Variants in MAPK9 observed in about 807,000 individuals in gnomAD.
The protein encoded by MAPK9 is Jun kinase.
In MAPK9, 30 loss-of-function variants were observed where a neutral mutation model predicts 57.1. The observed-to-expected ratio is 0.53, with a 90% CI of 0.39 to 0.71. The LOEUF is 0.71. Among genes scored for constraint, MAPK9 ranks in the 30% least tolerant of loss-of-function variants. The probability of loss-of-function intolerance (pLI) is 0.00; values close to 1 mark genes in which losing one functional copy is unlikely to be tolerated. For missense variants in MAPK9, 362 were observed against 521.0 expected (o/e 0.69, Z 2.97); for synonymous variants, 155 against 177.0 (o/e 0.88, Z 0.99).
chr5:180,260,187 A>G lies in MAPK9; in HGVS notation c.450+1497T>C, dbSNP rs34297235. Among the ~76,000 whole-genome samples the G allele has an allele frequency of 4.5e-3, 688 of 152,340 alleles. 8 individuals carry two copies. The highest frequency in any genetic ancestry group is 0.016 in the African/African-American group (654 of 41,586). On this transcript the variant is annotated intron_variant, in intron 5 of 11. Transcript: ENST00000452135. ...CCAGTTCTACTTGAAGACATAAAAG[A>G]ACTCATTTCTAAAAAACCCTATAAA...
chr5:180,271,463 C>T (rs796791375), intron 2 of MAPK9, among the ~76,000 whole-genome samples: 11 of 152,330 alleles, frequency 7.2e-5, no homozygotes, highest in African/African-American at 2.6e-4. Flanking sequence ...TGTTGTTCTG[C>T]TTTTTGGGTT....
At chr5:180,246,318 GAACA>G (rs767467140) in intron 7 of MAPK9, 1 of 151,856 alleles carries the variant, frequency 6.6e-6, no homozygotes, top group Non-Finnish European at 1.5e-5. Context: ...AAATTTAGTA[GAACA>G]AATAAAATAA....
intron 5 of MAPK9, among the ~76,000 whole-genome samples, chr5:180,249,350 A>T (rs1758438492): frequency 6.6e-6 from 1 of 152,064 alleles, no homozygotes; most frequent in South Asian, 2.1e-4. Context: ...CCCAGTGGAA[A>T]CCTTCATGGC....
intron 1 of MAPK9, among the ~76,000 whole-genome samples, chr5:180,281,353 G>A (rs1397661303): frequency 6.6e-6 from 1 of 152,232 alleles, no homozygotes; most frequent in Admixed American, 6.5e-5. Context: ...AGCAGGCCCA[G>A]AAAGCAGCTT....
intron 9 of MAPK9, among the ~76,000 whole-genome samples, chr5:180,240,806 G>A (rs6894217): frequency 0.26 from 39,607 of 152,150 alleles, 5,308 homozygotes; most frequent in African/African-American, 0.32. Flanking sequence ...AATGGAGACT[G>A]GTAGCACCAA....
chr5:180,241,865 G>C (rs1581168991), intron 8 of MAPK9, among the ~76,000 whole-genome samples: 1 of 152,316 alleles, frequency 6.6e-6, no homozygotes, highest in Middle Eastern at 3.4e-3. Flanking sequence ...TTTTCTCTAA[G>C]TCACATCGAA....
chr5:180,262,831 G>A (rs1760125218), intron 4 of MAPK9: 1 of 152,280 alleles, frequency 6.6e-6, no homozygotes. Context: ...TGTCTTCCAT[G>A]CTGCTAAATC....
At position 180,264,820 on chromosome 5, in the gene MAPK9, A is replaced by G; in HGVS notation, c.272T>C (p.Val91Ala). The G allele has an allele frequency of 6.4e-7, 1 of 1,554,238 alleles. No individual in the cohort carries two copies. The highest frequency in any genetic ancestry group is 8.7e-7 in the Non-Finnish European group (1 of 1,146,958). ...TTCTAGAGTTTTTTGTGGTGTAAAC[A>G]CATTTAACAAACTAATTATCTGAAA... ...NHKNIISLLN[V>A]FTPQKTLEEF... The change falls in exon 4 of 12, where the codon GTG becomes GCG. Residue 91 changes from valine (V) to alanine (A), a missense_variant. Transcript: ENST00000452135.
chr5:180,282,845 A>C (rs939594025), intron 1 of MAPK9, among the ~76,000 whole-genome samples: 1 of 152,182 alleles, frequency 6.6e-6, no homozygotes, highest in Non-Finnish European at 1.5e-5. Flanking sequence ...ACTCAGGAGG[A>C]GGCCCTGCAC....
intron 1 of MAPK9, among the ~76,000 whole-genome samples, chr5:180,287,915 T>C (rs1434842178): frequency 1.3e-5 from 2 of 152,150 alleles, no homozygotes; most frequent in Admixed American, 1.3e-4. Flanking sequence ...CAAAAAATGT[T>C]TGTTAAAGAC....
chr5:180,239,813 G>T (rs561492890), intron 10 of MAPK9, 111 bp downstream of exon 10: 11 of 992,186 alleles, frequency 1.1e-5, no homozygotes, highest in Admixed American at 5.8e-5. Flanking sequence ...TAAGTGGGTC[G>T]CAGGGTTTCT....
chr5:180,242,522 A>G (rs1757751742), intron 8 of MAPK9, 51 bp downstream of exon 8: 2 of 1,506,194 alleles, frequency 1.3e-6, no homozygotes, highest in Non-Finnish European at 1.8e-6. Flanking sequence ...AAAGAGTGAA[A>G]GCACCACCTG....
chr5:180,288,886 G>A (rs1205036292), intron 1 of MAPK9, among the ~76,000 whole-genome samples: 1 of 152,136 alleles, frequency 6.6e-6, no homozygotes, highest in Non-Finnish European at 1.5e-5. Flanking sequence ...GTTAAAGCAG[G>A]ACACTATTCT....
At chr5:180,244,230 T>C (rs2127578428) in intron 7 of MAPK9, among the ~76,000 whole-genome samples, 2 of 152,128 alleles carry the variant, frequency 1.3e-5, no homozygotes, top group South Asian at 4.2e-4. Context: ...CTGTGTGCCA[T>C]TTGCCACACA....
At chr5:180,284,530 C>A (rs1276067337) in intron 1 of MAPK9, among the ~76,000 whole-genome samples, 2 of 152,226 alleles carry the variant, frequency 1.3e-5, no homozygotes, top group Non-Finnish European at 2.9e-5. Flanking sequence ...CAGGCACTTT[C>A]ATACACGTCA....
intron 2 of MAPK9, among the ~76,000 whole-genome samples, chr5:180,279,625 C>A (rs961362518): frequency 6.6e-6 from 1 of 151,636 alleles, no homozygotes; most frequent in Non-Finnish European, 1.5e-5. Flanking sequence ...TGTAAACACG[C>A]GATGTTTAAC....
chr5:180,270,869 A>G (rs1198755327), intron 2 of MAPK9, among the ~76,000 whole-genome samples: 1 of 124,522 alleles, frequency 8.0e-6, no homozygotes, highest in Non-Finnish European at 1.5e-5. Context: ...AAAAAAAAAA[A>G]AAAAGAAAAA....
At chr5:180,243,502 T>A (rs1466708174) in intron 7 of MAPK9, among the ~76,000 whole-genome samples, 1 of 152,132 alleles carries the variant, frequency 6.6e-6, no homozygotes, top group Non-Finnish European at 1.5e-5. Context: ...TAGGATTACA[T>A]GTGGGAAAGT....
intron 3 of MAPK9, among the ~76,000 whole-genome samples, chr5:180,268,868 G>A (rs962047742): frequency 2.1e-5 from 3 of 143,334 alleles, no homozygotes; most frequent in Non-Finnish European, 3.1e-5. Context: ...GGCCGGGCAT[G>A]GTGGCTCACG....
Sources: allele counts gnomAD v4.1 joint callset (sites outside exome capture counted in the v4.1 genomes callset), GRCh38; gene constraint gnomAD v4.1.1; transcripts MANE v1.5; gene names NCBI Gene and HGNC (gene_info 2026-07-23, HGNC 2026-07-21).